The following CELF2 variants were observed in gnomAD, a reference collection of about 807,000 sequenced individuals.
CELF2 encodes the protein CUGBP Elav-like family member 2.
In CELF2, 8 loss-of-function variants were observed where a neutral mutation model predicts 62.6. That is an observed-to-expected ratio of 0.13 (90% confidence interval 0.07 to 0.23). The LOEUF (loss-of-function observed/expected upper bound fraction) is 0.23, where lower values mean the gene tolerates loss of function less well. CELF2 is among the 10% of genes least tolerant of loss of function. CELF2 has a pLI of 1.00. For missense variants in CELF2, 333 were observed against 671.0 expected, an observed-to-expected ratio of 0.50 and a Z score of 5.56; for synonymous variants, 258 against 250.0, an observed-to-expected ratio of 1.03 and a Z score of -0.30.
At chr10:10,917,691 G>C (rs1195153695) in intron 1 of CELF2, among the ~76,000 whole-genome samples, 1 of 152,194 alleles carries the variant, frequency 6.6e-6, no homozygotes, top group Non-Finnish European at 1.5e-5. Context: ...TGGACATTTA[G>C]CATTGTCTGA....
chr10:11,059,696 A>G (rs2140399529), intron 1 of CELF2, among the ~76,000 whole-genome samples: 1 of 152,314 alleles, frequency 6.6e-6, no homozygotes, highest in East Asian at 1.9e-4. Flanking sequence ...AGTATGGAAA[A>G]TGCAGTGATT....
chr10:11,284,509 G>T (rs1327946961), intron 8 of CELF2, among the ~76,000 whole-genome samples: 20 of 150,014 alleles, frequency 1.3e-4, no homozygotes, highest in Middle Eastern at 3.6e-3. Flanking sequence ...TGGGGGATGA[G>T]GGATGAGTGT....
chr10:11,053,788 G>T (rs75677434), intron 1 of CELF2, among the ~76,000 whole-genome samples: 11 of 151,658 alleles, frequency 7.3e-5, no homozygotes, highest in African/African-American at 2.7e-4. Flanking sequence ...CTAATTTTTT[G>T]TATTTTTAGT....
intron 1 of CELF2, among the ~76,000 whole-genome samples, chr10:10,872,616 C>A (rs1187761760): frequency 6.6e-6 from 1 of 151,724 alleles, no homozygotes; most frequent in South Asian, 2.1e-4. Flanking sequence ...AAGGCTGTGC[C>A]GACTCTAATG....
rs1158245472 is a variant in CELF2 at position 11,309,973 on chromosome 10, C to T, written c.977-4166C>T. Among the ~76,000 whole-genome samples, 1 of 152,196 alleles carries T rather than the reference C, an allele frequency of 6.6e-6. No individual in the cohort carries two copies. Among genetic ancestry groups the T allele is most frequent in the African/African-American group, 2.4e-5 (1 of 41,448 alleles). On this transcript the variant is annotated intron_variant, in intron 9 of 12. Coordinates refer to ENST00000633077, the MANE Select transcript of CELF2 (RefSeq NM_001326342.2). This position sits in a 1 kb window ranked among gnomAD's most constrained non-coding sequence, Gnocchi z 5.6. ...CAGTGGCCTGCTTTTCTGTGAATGA[C>T]ACCTCTGGTCTACAGGAAGGGTACT... is the stretch of plus-strand genomic sequence containing the variant.
At chr10:11,067,084 T>G (rs2068373001) in intron 1 of CELF2, among the ~76,000 whole-genome samples, 1 of 152,238 alleles carries the variant, frequency 6.6e-6, no homozygotes, top group South Asian at 2.1e-4. Flanking sequence ...TCCTTTAATG[T>G]CACTCTAGCT....
At chr10:10,620,063 C>G in the CELF2 span, among the ~76,000 whole-genome samples, 6 of 152,060 alleles carry the variant, frequency 3.9e-5, no homozygotes, top group Admixed American at 3.9e-4. Context: ...GAAATGAATT[C>G]CATATTAGAA....
At chr10:11,238,477 A>G (rs1228794016) in intron 3 of CELF2, among the ~76,000 whole-genome samples, 2 of 152,254 alleles carry the variant, frequency 1.3e-5, no homozygotes, top group Non-Finnish European at 2.9e-5. Flanking sequence ...TTTTAAATAA[A>G]AACTAGTTTT....
intron 1 of CELF2, among the ~76,000 whole-genome samples, chr10:11,155,287 A>G (rs682671): frequency 0.44 from 66,431 of 152,086 alleles, 15,287 homozygotes; most frequent in East Asian, 0.82. Context: ...CGTCCTTGGG[A>G]ATGGCTAGGG....
At position 11,305,389 on chromosome 10, in the gene CELF2, C is replaced by T. The variant is rs972694300; in HGVS notation, c.977-8750C>T. ...GCCGGCGCCCATCCTGCATCCCTCACGGGTACACCGGGGCCAGTCCCTTCA... is the reference window on the plus strand; with the variant it reads ...GCCGGCGCCCATCCTGCATCCCTCATGGGTACACCGGGGCCAGTCCCTTCA... On this transcript the variant is annotated intron_variant, in intron 9 of 12. Transcript: ENST00000633077. This position sits in a 1 kb window ranked among gnomAD's most constrained non-coding sequence, Gnocchi z 4.8. Among the ~76,000 whole-genome samples, 25 of 152,312 alleles carry T rather than the reference C, an allele frequency of 1.6e-4. No individual in the cohort carries two copies. The highest frequency in any genetic ancestry group is 3.1e-4 in the Non-Finnish European group (21 of 68,034).
At chr10:11,189,870 G>T (rs1260627543) in intron 2 of CELF2, among the ~76,000 whole-genome samples, 1 of 152,186 alleles carries the variant, frequency 6.6e-6, no homozygotes, top group Non-Finnish European at 1.5e-5. Context: ...CCTTGGCCAT[G>T]CTTTCCAGGT....
the CELF2 span, among the ~76,000 whole-genome samples, chr10:10,770,746 T>A: frequency 2.6e-5 from 4 of 151,888 alleles, no homozygotes; most frequent in Non-Finnish European, 4.4e-5. Context: ...CTATATCTCA[T>A]GATTTTGAAA....
chr10:10,911,585 G>A (rs1345469323), intron 1 of CELF2, among the ~76,000 whole-genome samples: 1 of 152,226 alleles, frequency 6.6e-6, no homozygotes, highest in Non-Finnish European at 1.5e-5. Context: ...ATTGACTAAG[G>A]GATTTGTGCA....
At chr10:11,310,978 G>C (rs1478418875) in intron 9 of CELF2, among the ~76,000 whole-genome samples, 1 of 152,120 alleles carries the variant, frequency 6.6e-6, no homozygotes, top group East Asian at 1.9e-4. Context: ...AAGGATATTT[G>C]GTGAACCGAA....
chr10:11,078,902 G>A (rs2073023709), intron 1 of CELF2, among the ~76,000 whole-genome samples: 2 of 152,246 alleles, frequency 1.3e-5, no homozygotes, highest in East Asian at 1.9e-4. Flanking sequence ...TCAGCATAAC[G>A]TGATGTGATT....
chr10:10,526,927 G>A, the CELF2 span, among the ~76,000 whole-genome samples: 1 of 152,210 alleles, frequency 6.6e-6, no homozygotes, highest in Non-Finnish European at 1.5e-5. Context: ...GACCACAAGA[G>A]GCTGCATTAA....
the CELF2 span, among the ~76,000 whole-genome samples, chr10:10,505,414 C>G: frequency 5.3e-5 from 8 of 152,106 alleles, no homozygotes; most frequent in Non-Finnish European, 4.4e-5. Flanking sequence ...AGTTCTGACT[C>G]TCCACCAGGC....
intron 2 of CELF2, among the ~76,000 whole-genome samples, chr10:10,964,404 A>C (rs2049891926): frequency 6.6e-6 from 1 of 152,234 alleles, no homozygotes; most frequent in Admixed American, 6.5e-5. Flanking sequence ...TTGACCTTTA[A>C]GATGTCATCT....
At chr10:10,565,086 C>T in the CELF2 span, among the ~76,000 whole-genome samples, 2 of 152,150 alleles carry the variant, frequency 1.3e-5, no homozygotes, top group Admixed American at 6.6e-5. Context: ...GCTCCAGAGC[C>T]CATGTTCCTT....
Sources: allele counts gnomAD v4.1 joint callset (sites outside exome capture counted in the v4.1 genomes callset), GRCh38; gene constraint gnomAD v4.1.1; non-coding constraint Gnocchi (gnomAD v3.1); transcripts MANE v1.5; gene names NCBI Gene and HGNC (gene_info 2026-07-23, HGNC 2026-07-21).